ZNF536: variants seen among roughly 807,000 people sequenced by gnomAD.
ZNF536 encodes the protein zinc finger protein 536.
Under a neutral mutation model 84.5 loss-of-function variants are expected in ZNF536, and 13 were observed. That is an observed-to-expected ratio of 0.15 (90% CI 0.10 to 0.24). The LOEUF is 0.24. Among genes scored for constraint, ZNF536 ranks in the 10% least tolerant of loss-of-function variants. The pLI is 1.00. For missense variants in ZNF536, 1,536 were observed against 1,747.5 expected (o/e 0.88, Z 2.16); for synonymous variants, 811 against 742.5 (o/e 1.09, Z -1.50).
At chr19:30,681,447 G>T (rs559260602) in intron 1 of ZNF536, among the ~76,000 whole-genome samples, 1 of 152,096 alleles carries the variant, frequency 6.6e-6, no homozygotes, top group Non-Finnish European at 1.5e-5. Context: ...GGCGGGGAGT[G>T]GGGTAGGAAA....
intron 1 of ZNF536, among the ~76,000 whole-genome samples, chr19:30,280,598 C>A (rs1309198809): frequency 6.6e-6 from 1 of 152,204 alleles, no homozygotes; most frequent in Non-Finnish European, 1.5e-5. Flanking sequence ...GACAGGTGTG[C>A]ACTGCCCACA....
chr19:30,569,559 C>CT (rs34995610), intron 1 of ZNF536, among the ~76,000 whole-genome samples: 1,864 of 55,000 alleles, frequency 0.034, 485 homozygotes, highest in African/African-American at 0.062. Context: ...GATAAACGTT[C>CT]TTTTTTTTTT....
chr19:30,540,262 T>A (rs1008357965), intron 3 of ZNF536, among the ~76,000 whole-genome samples: 12 of 152,114 alleles, frequency 7.9e-5, no homozygotes, highest in Non-Finnish European at 1.3e-4. Context: ...TTCTTGTCCC[T>A]TTCCTATAGG....
chr19:30,296,206 T>G (rs2045991533), intron 2 of ZNF536: 1 of 152,486 alleles, frequency 6.6e-6, no homozygotes, highest in Middle Eastern at 3.4e-3. Context: ...GGAAAGCAGC[T>G]GCAGTGGAGG....
At chr19:30,483,223 C>T (rs2054158398) in intron 2 of ZNF536, among the ~76,000 whole-genome samples, 1 of 152,180 alleles carries the variant, frequency 6.6e-6, no homozygotes, top group Admixed American at 6.5e-5. Context: ...TGGGTTGTAC[C>T]TGTTGTACAC....
chr19:30,381,994 G>A (rs2049040327), intron 1 of ZNF536, among the ~76,000 whole-genome samples: 1 of 152,156 alleles, frequency 6.6e-6, no homozygotes. Flanking sequence ...CAAGCAGAGA[G>A]AAGAGAATGC....
intron 1 of ZNF536, among the ~76,000 whole-genome samples, chr19:30,425,349 A>G (rs1479188190): frequency 1.3e-5 from 2 of 152,128 alleles, no homozygotes; most frequent in African/African-American, 2.4e-5. Context: ...AAGGGAGGGC[A>G]TATTTGTTTA....
chr19:30,452,265 G>A (rs1308870607), intron 2 of ZNF536, among the ~76,000 whole-genome samples: 1 of 152,244 alleles, frequency 6.6e-6, no homozygotes, highest in African/African-American at 2.4e-5. Context: ...AGGGCAGATT[G>A]GGGTCCTTCT....
intron 1 of ZNF536, among the ~76,000 whole-genome samples, chr19:30,644,691 T>G (rs1008397564): frequency 6.6e-6 from 1 of 152,232 alleles, no homozygotes; most frequent in Admixed American, 6.5e-5. Context: ...ACAAAAGACA[T>G]GAACTCATCC....
intron 1 of ZNF536, among the ~76,000 whole-genome samples, chr19:30,700,275 T>C: frequency 6.7e-6 from 1 of 149,806 alleles, no homozygotes; most frequent in Non-Finnish European, 1.5e-5. Flanking sequence ...TCTCTTTGTG[T>C]CTTTCTTTCT....
At chr19:30,389,366 G>A (rs546802872) in intron 1 of ZNF536, among the ~76,000 whole-genome samples, 9 of 152,052 alleles carry the variant, frequency 5.9e-5, no homozygotes, top group Non-Finnish European at 1.2e-4. Context: ...AAAATCTAGC[G>A]ACCATAGATG....
intron 1 of ZNF536, among the ~76,000 whole-genome samples, chr19:30,409,776 A>G (rs2050405404): frequency 6.6e-6 from 1 of 152,226 alleles, no homozygotes; most frequent in Middle Eastern, 3.2e-3. Context: ...GGTACACCGT[A>G]CTAATTTTAT....
chr19:30,479,147 C>T (rs1052755979), intron 2 of ZNF536, among the ~76,000 whole-genome samples: 2 of 152,142 alleles, frequency 1.3e-5, no homozygotes, highest in African/African-American at 4.8e-5. Context: ...ATCAAGACAC[C>T]ACAGTTTACT....
intron 1 of ZNF536, among the ~76,000 whole-genome samples, chr19:30,703,440 T>C (rs1172075711): frequency 6.6e-6 from 1 of 152,192 alleles, no homozygotes; most frequent in African/African-American, 2.4e-5. Flanking sequence ...GAGTTCCTTC[T>C]GGCAAGAGGC....
In ZNF536 at chr19:30,494,969, A is replaced by AG. The variant is rs1166969744; in HGVS notation, c.2171-39878_2171-39877insG. On this transcript the variant is annotated intron_variant, in intron 2 of 4. Transcript: ENST00000355537. ...TCAAAAAAGAAAAAAAAAAAAAAAAAAGCCCCCTCAGCTGTTCTCTATGAA... is the reference window on the plus strand; with the variant it reads ...TCAAAAAAGAAAAAAAAAAAAAAAAAGAGCCCCCTCAGCTGTTCTCTATGAA... Among the ~76,000 whole-genome samples the AG allele has an allele frequency of 8.9e-3, 1,347 of 151,218 alleles. 80 individuals are homozygous for AG. Among genetic ancestry groups the AG allele is most frequent in the Admixed American group, 0.069 (1,044 of 15,042 alleles).
intron 2 of ZNF536, among the ~76,000 whole-genome samples, chr19:30,345,630 C>T (rs1042823835): frequency 1.3e-5 from 2 of 152,200 alleles, no homozygotes; most frequent in Non-Finnish European, 1.5e-5. Flanking sequence ...TCAAATGAGT[C>T]CTTATCTGCC....
intron 2 of ZNF536, among the ~76,000 whole-genome samples, chr19:30,527,219 CTTTTTTTTTTTTT>C (rs56404227): frequency 0.15 from 15,734 of 106,440 alleles, 1,434 homozygotes; most frequent in East Asian, 0.36. Flanking sequence ...ACCCAGCCTC[CTTTTTTTTTTTTT>C]TTTTTTTTTT....
At chr19:30,258,288 G>C (rs936932903) in intron 1 of ZNF536, among the ~76,000 whole-genome samples, 1 of 152,210 alleles carries the variant, frequency 6.6e-6, no homozygotes, top group Non-Finnish European at 1.5e-5. Context: ...GGACACTAAA[G>C]CTGAAACTAG....
At chr19:30,436,782 T>A (rs899454515) in intron 1 of ZNF536, among the ~76,000 whole-genome samples, 1 of 152,158 alleles carries the variant, frequency 6.6e-6, no homozygotes, top group African/African-American at 2.4e-5. Flanking sequence ...AGACTGAGGG[T>A]CACGTGAGCC....
Sources: gnomAD v4.1 joint callset for allele counts (sites outside exome capture counted in the v4.1 genomes callset) on GRCh38, gnomAD v4.1.1 for gene constraint, MANE v1.5 for transcripts, NCBI Gene and HGNC (gene_info 2026-07-23, HGNC 2026-07-21) for gene names.